Variants in NCK2 observed in about 807,000 individuals in gnomAD.
NCK2 encodes cytoplasmic protein NCK2.
Under a neutral mutation model 33.9 loss-of-function variants are expected in NCK2, and 16 were observed. That is an observed-to-expected ratio of 0.47 (90% CI 0.32 to 0.72). The LOEUF is 0.72. Among genes scored for constraint, NCK2 ranks in the 30% least tolerant of loss-of-function variants. The pLI is 0.03. For missense variants in NCK2, 418 were observed against 537.3 expected (o/e 0.78, Z 2.19); for synonymous variants, 273 against 239.9 (o/e 1.14, Z -1.27).
chr2:105,815,157 C>A (rs1398401819), intron 1 of NCK2, among the ~76,000 whole-genome samples: 2 of 152,208 alleles, frequency 1.3e-5, no homozygotes, highest in Non-Finnish European at 2.9e-5. Context: ...GTTTGAACTT[C>A]TTGCCCAAAG....
rs531329818 is a variant in NCK2, at chr2:105,787,352, A to C, written c.-200-29078A>C. Among the ~76,000 whole-genome samples the C allele has an allele frequency of 7.9e-5, 12 of 152,304 alleles. No homozygotes were observed. The South Asian group carries it at 1.2e-3, about 16-fold the overall frequency. ...TTCAGGTGGTGAAGTTCTAACCCCC[A>C]GTGTGACTATATTTGGAGATGAGCC... On this transcript the variant is annotated intron_variant, in intron 1 of 4. Coordinates refer to ENST00000233154, the MANE Select transcript of NCK2 (RefSeq NM_003581.5).
chr2:105,797,713 A>G (rs971720819), intron 1 of NCK2, among the ~76,000 whole-genome samples: 2 of 152,200 alleles, frequency 1.3e-5, no homozygotes, highest in African/African-American at 2.4e-5. Context: ...GAGCTGATGC[A>G]AAGTCTTTCG....
intron 2 of NCK2, among the ~76,000 whole-genome samples, chr2:105,831,072 T>C (rs1305538122): frequency 6.6e-6 from 1 of 152,214 alleles, no homozygotes; most frequent in Non-Finnish European, 1.5e-5. Flanking sequence ...AAAAGCTTTT[T>C]AGTTTGATAT....
chr2:105,745,569 G>A (rs1003868805), intron 1 of NCK2, among the ~76,000 whole-genome samples: 1 of 152,202 alleles, frequency 6.6e-6, no homozygotes, highest in South Asian at 2.1e-4. Flanking sequence ...TCGCCAGGGC[G>A]CGTGTGCCGG....
At chr2:105,841,077 C>G (rs950282934) in intron 2 of NCK2, among the ~76,000 whole-genome samples, 2 of 152,216 alleles carry the variant, frequency 1.3e-5, no homozygotes, top group Non-Finnish European at 2.9e-5. Context: ...AGGTGCAGAA[C>G]AAGTCCAGAC....
intron 1 of NCK2, among the ~76,000 whole-genome samples, chr2:105,768,667 G>GT (rs996972972): frequency 6.6e-6 from 1 of 152,008 alleles, no homozygotes; most frequent in Admixed American, 6.6e-5. Flanking sequence ...AACATGATGA[G>GT]TTTTTTTTGA....
At chr2:105,800,390 A>C (rs1674785368) in intron 1 of NCK2, among the ~76,000 whole-genome samples, 1 of 152,174 alleles carries the variant, frequency 6.6e-6, no homozygotes, top group Admixed American at 6.5e-5. Flanking sequence ...GGTACCCAGG[A>C]TAGGGTTGGT....
chr2:105,789,046 G>T (rs921143922), intron 1 of NCK2, among the ~76,000 whole-genome samples: 21 of 152,156 alleles, frequency 1.4e-4, no homozygotes, highest in African/African-American at 4.6e-4. Context: ...CCCGATGCCC[G>T]CAGCCTCACT....
intron 3 of NCK2, among the ~76,000 whole-genome samples, chr2:105,876,172 G>A (rs1312412634): frequency 6.6e-6 from 1 of 152,178 alleles, no homozygotes. Context: ...GCATGCTGCT[G>A]TGACACCTCC....
intron 1 of NCK2, among the ~76,000 whole-genome samples, chr2:105,759,339 G>T (rs1386646726): frequency 6.6e-6 from 1 of 152,088 alleles, no homozygotes; most frequent in Admixed American, 6.6e-5. Flanking sequence ...ATACCCTCAC[G>T]TTCGTGTATT....
intron 1 of NCK2, among the ~76,000 whole-genome samples, chr2:105,768,997 T>C (rs1169583676): frequency 1.3e-5 from 2 of 151,634 alleles, no homozygotes; most frequent in Non-Finnish European, 2.9e-5. Context: ...GTGTAGGGGG[T>C]GCAGAAAGTT....
rs1018839063 is a variant in NCK2, at chr2:105,892,889, T to C, written c.949-93T>C. The stretch of plus-strand genomic sequence containing the variant: ...AGAGACCCAGTGTTTGAGCAATGGG[T>C]GGTTTGGATTTAGACGCACAAGAGA... On this transcript the variant is annotated intron_variant, in intron 4 of 4. Coordinates refer to ENST00000233154, the MANE Select transcript of NCK2 (RefSeq NM_003581.5). 4 of 776,188 alleles carry C rather than the reference T, an allele frequency of 5.2e-6. No homozygotes were observed. The African/African-American group carries it at 7.7e-5, about 15-fold the overall frequency. The allele number at this position is 776,188 out of a possible 1,614,324, so 48.1% of individuals were successfully genotyped here. A position where few individuals can be genotyped will look rare whatever the true frequency, so the allele number is the denominator to read the frequency against.
chr2:105,849,595 T>G (rs540849691), intron 2 of NCK2, among the ~76,000 whole-genome samples: 7 of 152,130 alleles, frequency 4.6e-5, no homozygotes, highest in Non-Finnish European at 1.0e-4. Flanking sequence ...AATAAGTAAG[T>G]GACCAGGTGG....
intron 3 of NCK2, among the ~76,000 whole-genome samples, chr2:105,874,657 C>T (rs1573234972): frequency 6.6e-6 from 1 of 152,190 alleles, no homozygotes; most frequent in East Asian, 1.9e-4. Flanking sequence ...TTTGACGCTT[C>T]AGCTTAAATC....
chr2:105,835,423 A>ATTTT (rs759330804), intron 2 of NCK2, among the ~76,000 whole-genome samples: 2 of 102,110 alleles, frequency 2.0e-5, no homozygotes, highest in Admixed American at 1.0e-4. Flanking sequence ...ATATATATAT[A>ATTTT]TTTTTTTTTT....
chr2:105,844,653 C>T (rs527550699), intron 2 of NCK2, among the ~76,000 whole-genome samples: 10 of 149,560 alleles, frequency 6.7e-5, no homozygotes, highest in African/African-American at 2.2e-4. Context: ...CAGAATTGCT[C>T]GAACCCAGGA....
At position 105,855,241 on chromosome 2, in the gene NCK2, A is replaced by G; in HGVS notation, c.178A>G (p.Asn60Asp). Reference protein sequence around the residue: ...YVPSNYVERKNSLKKGSLVKN... With the variant: ...YVPSNYVERKDSLKKGSLVKN... ...ACCGTCCAACTACGTGGAGCGGAAGAACAGCCTGAAGAAGGGCTCCCTCGT... is the reference window on the plus strand; with the variant it reads ...ACCGTCCAACTACGTGGAGCGGAAGGACAGCCTGAAGAAGGGCTCCCTCGT... The change falls in exon 3 of 5, where the codon AAC becomes GAC. Residue 60 changes from asparagine to aspartate, a missense_variant. Asn to Asp is a conservative substitution (Grantham distance 23). Coordinates refer to ENST00000233154, the MANE Select transcript of NCK2 (RefSeq NM_003581.5). 1 of 1,613,264 alleles carries G rather than the reference A, an allele frequency of 6.2e-7. No homozygotes were observed. The highest frequency in any genetic ancestry group is 1.7e-5 in the Admixed American group (1 of 59,950).
intron 1 of NCK2, among the ~76,000 whole-genome samples, chr2:105,797,734 C>A (rs1047670413): frequency 3.9e-5 from 6 of 152,228 alleles, no homozygotes; most frequent in African/African-American, 1.2e-4. Flanking sequence ...TAACCATGAT[C>A]AGTTAAAACA....
chr2:105,891,269 T>G (rs1366846359), intron 4 of NCK2, among the ~76,000 whole-genome samples: 1 of 151,708 alleles, frequency 6.6e-6, no homozygotes, highest in Non-Finnish European at 1.5e-5. Context: ...TTTGTTTGTT[T>G]TCTTTTTTTT....
Sources: allele counts gnomAD v4.1 joint callset (sites outside exome capture counted in the v4.1 genomes callset), GRCh38; gene constraint gnomAD v4.1.1; transcripts MANE v1.5; gene names NCBI Gene and HGNC (gene_info 2026-07-23, HGNC 2026-07-21).